THSD7B: variants seen among roughly 807,000 people sequenced by gnomAD.
The protein encoded by THSD7B is thrombospondin type-1 domain-containing protein 7B.
In THSD7B, 138 loss-of-function variants were observed where a neutral mutation model predicts 213.6. The observed-to-expected ratio is 0.65, with a 90% confidence interval of 0.56 to 0.74. The LOEUF is 0.74. Ranked by LOEUF, THSD7B falls within the 30% of genes least tolerant of loss-of-function variation. THSD7B has a pLI of 0.00. For missense variants in THSD7B, 1,931 were observed against 1,991.5 expected, an observed-to-expected ratio of 0.97 and a Z score of 0.58; for synonymous variants, 742 against 687.0, an observed-to-expected ratio of 1.08 and a Z score of -1.25.
intron 20 of THSD7B, among the ~76,000 whole-genome samples, chr2:137,627,675 C>G (rs978981858): frequency 6.6e-6 from 1 of 152,076 alleles, no homozygotes; most frequent in Non-Finnish European, 1.5e-5. Context: ...GAGGGCAGAG[C>G]CAAAAACTGT....
chr2:136,795,429 A>G (rs929685995), intron 1 of THSD7B, among the ~76,000 whole-genome samples: 12 of 151,956 alleles, frequency 7.9e-5, no homozygotes, highest in Non-Finnish European at 1.5e-4. Flanking sequence ...TGGATAATCC[A>G]GAATAATCTT....
chr2:137,010,349 T>C (rs1686206406), intron 2 of THSD7B, among the ~76,000 whole-genome samples: 1 of 152,226 alleles, frequency 6.6e-6, no homozygotes, highest in Non-Finnish European at 1.5e-5. Flanking sequence ...TAAAAGAATC[T>C]CATCTTCACC....
At chr2:137,073,710 T>A (rs994857150) in intron 3 of THSD7B, among the ~76,000 whole-genome samples, 18 of 152,202 alleles carry the variant, frequency 1.2e-4, no homozygotes, top group Admixed American at 9.8e-4. Context: ...CTGCTTTCTC[T>A]TGTGGGCATT....
intron 5 of THSD7B, among the ~76,000 whole-genome samples, chr2:137,123,073 T>C (rs1292773056): frequency 2.0e-5 from 3 of 152,188 alleles, no homozygotes; most frequent in African/African-American, 7.2e-5. Flanking sequence ...TTGTGAACCT[T>C]CTCACCCTCC....
chr2:137,225,782 T>TC (rs35984670), intron 7 of THSD7B, among the ~76,000 whole-genome samples: 65,580 of 148,358 alleles, frequency 0.44, 15,089 homozygotes, highest in African/African-American at 0.53. Flanking sequence ...TCTTTATGTA[T>TC]TTCCTATATG....
chr2:137,565,473 A>C (rs1221587914), intron 16 of THSD7B, among the ~76,000 whole-genome samples: 1 of 152,148 alleles, frequency 6.6e-6, no homozygotes, highest in Non-Finnish European at 1.5e-5. Flanking sequence ...AACTCCCACG[A>C]CAACAAACTC....
chr2:137,385,683 C>G (rs1464059365), intron 12 of THSD7B, among the ~76,000 whole-genome samples: 1 of 152,142 alleles, frequency 6.6e-6, no homozygotes. Flanking sequence ...TGTCCACACA[C>G]ACGTGCAAAA....
intron 5 of THSD7B, among the ~76,000 whole-genome samples, chr2:137,141,428 G>T (rs1325946298): frequency 6.6e-6 from 1 of 151,998 alleles, no homozygotes; most frequent in Non-Finnish European, 1.5e-5. Flanking sequence ...TGATTGAGGT[G>T]CTGCTTACAT....
intron 2 of THSD7B, among the ~76,000 whole-genome samples, chr2:136,976,358 A>T (rs564517825): frequency 6.7e-4 from 102 of 152,312 alleles, no homozygotes; most frequent in Admixed American, 3.3e-3. Context: ...TACTTCGTTT[A>T]TTAAACGTTT....
intron 15 of THSD7B, among the ~76,000 whole-genome samples, chr2:137,543,297 C>A (rs1038843365): frequency 1.3e-5 from 2 of 151,764 alleles, no homozygotes; most frequent in Non-Finnish European, 2.9e-5. Flanking sequence ...ATATGTAGAA[C>A]ATTCAGAATC....
chr2:136,981,309 G>A (rs1177503302), intron 2 of THSD7B, among the ~76,000 whole-genome samples: 1 of 152,128 alleles, frequency 6.6e-6, no homozygotes, highest in Admixed American at 6.5e-5. Context: ...ACAGTGTGCT[G>A]AGATGATTAA....
At chr2:137,563,068 A>T in intron 15 of THSD7B, 153 bp from the exon 16 acceptor site, 1 of 741,406 alleles carries the variant, frequency 1.3e-6, no homozygotes, top group Non-Finnish European at 2.0e-6. Flanking sequence ...CAGAGAAGCC[A>T]AATCTATCTT....
At chr2:137,517,725 T>C (rs1176857804) in intron 15 of THSD7B, among the ~76,000 whole-genome samples, 2 of 152,158 alleles carry the variant, frequency 1.3e-5, no homozygotes, top group Non-Finnish European at 2.9e-5. Context: ...GCATATCCAA[T>C]GGTGCTGGAG....
chr2:137,127,853 G>A (rs1042235735), intron 5 of THSD7B, among the ~76,000 whole-genome samples: 2 of 152,162 alleles, frequency 1.3e-5, no homozygotes, highest in African/African-American at 4.8e-5. Context: ...GGGAGGCGGA[G>A]GTTGCAGTAA....
At chr2:136,954,748 A>T in intron 2 of THSD7B, among the ~76,000 whole-genome samples, 1 of 149,530 alleles carries the variant, frequency 6.7e-6, no homozygotes, top group African/African-American at 2.5e-5. Context: ...ATTACATAAG[A>T]GCTTTTATAC....
chr2:137,143,823 A>G (rs919951207), intron 5 of THSD7B, among the ~76,000 whole-genome samples: 6 of 152,112 alleles, frequency 3.9e-5, no homozygotes, highest in African/African-American at 1.4e-4. Flanking sequence ...TTACTTATAT[A>G]TAGTTCTTCC....
At position 137,399,216 on chromosome 2, in the gene THSD7B, C is replaced by A. The variant is rs200481923; in HGVS notation, c.2501-6397C>A. On this transcript the variant is annotated intron_variant, in intron 12 of 27. Transcript: ENST00000409968. ...ACCCCTTTTTTTTTTTTTTTAAACA[C>A]AAGTCTTGCTCTGTTTCCCAGGTTG... Among the ~76,000 whole-genome samples, 3 of 147,292 alleles carry A rather than the reference C, an allele frequency of 2.0e-5. 1 individual carries two copies. The highest frequency in any genetic ancestry group is 7.6e-5 in the African/African-American group (3 of 39,442).
At chr2:137,573,423 A>T (rs997296440) in intron 17 of THSD7B, among the ~76,000 whole-genome samples, 1 of 152,100 alleles carries the variant, frequency 6.6e-6, no homozygotes, top group Non-Finnish European at 1.5e-5. Flanking sequence ...CAAATTATTG[A>T]TTCCTTATTA....
At chr2:137,391,901 G>A (rs1228051491) in intron 12 of THSD7B, among the ~76,000 whole-genome samples, 1 of 151,980 alleles carries the variant, frequency 6.6e-6, no homozygotes, top group Non-Finnish European at 1.5e-5. Flanking sequence ...TTCTTTCTTA[G>A]CACTACTTTT....
Sources: allele counts gnomAD v4.1 joint callset (sites outside exome capture counted in the v4.1 genomes callset), GRCh38; gene constraint gnomAD v4.1.1; transcripts MANE v1.5; gene names NCBI Gene and HGNC (gene_info 2026-07-23, HGNC 2026-07-21).